Variants in INKA2 observed in about 807,000 individuals in gnomAD.
The protein encoded by INKA2 is inka box actin regulator 2.
In INKA2, 3 loss-of-function variants were observed where a neutral mutation model predicts 9.8. The ratio of observed to expected loss-of-function variants is 0.31; its 90% CI spans 0.14 to 0.79. The LOEUF (loss-of-function observed/expected upper bound fraction) is 0.79. Ranked by LOEUF, INKA2 falls within the 30% of genes least tolerant of loss-of-function variation. The pLI, the probability that INKA2 is intolerant of heterozygous loss-of-function variation, is 0.62. For missense variants in INKA2, 392 were observed against 384.4 expected (o/e 1.02, Z -0.17); for synonymous variants, 147 against 143.3 (o/e 1.03, Z -0.18).
chr1:111,739,228 G>GCT lies in INKA2; in HGVS notation c.13_14dup (p.Ser5ArgfsTer16). On this transcript the variant is annotated frameshift_variant, in exon 1 of 2. Transcript: ENST00000357260. LOFTEE classifies it low-confidence loss of function (END_TRUNC). ...GACGGAGATAGCAGTCCATTTCCCTGCTCTCCATCGTCATGCGCCCATTTG... is the reference window on the plus strand; with the variant it reads ...GACGGAGATAGCAGTCCATTTCCCTGCTCTCTCCATCGTCATGCGCCCATTTG... The GCT allele has an allele frequency of 6.2e-7, 1 of 1,613,760 alleles. No homozygotes were observed. The highest frequency in any genetic ancestry group is 1.3e-5 in the African/African-American group (1 of 75,046).
At chr1:111,740,460 A>T (rs1238850456), upstream of INKA2, among the ~76,000 whole-genome samples, 1 of 152,154 alleles carries the variant, frequency 6.6e-6, no homozygotes, top group East Asian at 1.9e-4. Context: ...CAGCGCGGAG[A>T]CGCCGCGCCC....
chr1:111,722,859 C>T lies in INKA2; in HGVS notation c.*4109G>A. On this transcript the variant is annotated 3_prime_UTR_variant, in exon 2 of 2. Transcript: ENST00000357260. ...GCCTTGGGTCACATGGTTAGTGCCT[C>T]TACTAAGGGGATGGGTTGTCCAGTA... is the stretch of plus-strand genomic sequence containing the variant. 1 of 520,412 alleles carries T rather than the reference C, an allele frequency of 1.9e-6. No individual in the cohort carries two copies. Among genetic ancestry groups the T allele is most frequent in the Non-Finnish European group, 3.4e-6 (1 of 294,094 alleles). The allele number at this position is 520,412 out of a possible 1,614,324, so 32.2% of individuals were successfully genotyped here. A position where few individuals can be genotyped will look rare whatever the true frequency, so the allele number is the denominator to read the frequency against.
intron 1 of INKA2, among the ~76,000 whole-genome samples, chr1:111,728,300 G>C (rs1466749602): frequency 6.6e-6 from 1 of 152,134 alleles, no homozygotes; most frequent in African/African-American, 2.4e-5. Flanking sequence ...ATGAGAATCT[G>C]CTTTGTAACA....
intron 1 of INKA2, chr1:111,746,038 A>G (rs994692814): frequency 2.0e-5 from 3 of 152,220 alleles, no homozygotes; most frequent in African/African-American, 7.2e-5. Flanking sequence ...CTGGCTCTTA[A>G]GTCTCTTCTG....
chr1:111,755,170 A>ATGGAGGCGGATGCGGAGGCGGATGCG (rs1663509529), intron 1 of INKA2: 3 of 157,258 alleles, frequency 1.9e-5, no homozygotes, highest in Non-Finnish European at 4.2e-5. Context: ...AGGCGGATGC[A>ATGGAGGCGGATGCGGAGGCGGATGCG]TGGAGGCGGA....
In INKA2 at chr1:111,727,584, G is replaced by C; in HGVS notation, c.278C>G (p.Pro93Arg). ...RGPARPTVCS[P>R]SSQPSLGSST... ...GCTGCCAAGAGAAGGTTGACTGGAG[G>C]GGGAACAGACTGTGGGCCTGGCAGG... Residue 93 changes from proline to arginine, a missense_variant, in exon 2 of 2, where the codon CCC (proline) becomes CGC (arginine). Physicochemically the swap from Pro to Arg is moderately radical, Grantham distance 103 (BLOSUM62 -2). Transcript: ENST00000357260. 6.2e-7 allele frequency: 1 copy of C among 1,612,048 alleles called. No individual in the cohort carries two copies. The highest frequency in any genetic ancestry group is 8.5e-7 in the Non-Finnish European group (1 of 1,178,906).
upstream of INKA2, among the ~76,000 whole-genome samples, chr1:111,741,662 G>T (rs1663154343): frequency 6.6e-6 from 1 of 152,218 alleles, no homozygotes; most frequent in East Asian, 1.9e-4. Context: ...CTCCAGCACG[G>T]TAGTCAGATG....
Position 111,722,951 on chromosome 1 carries a change from C to T in INKA2, c.*4017G>A, listed in dbSNP as rs1571586552. ...TAGGTGCATTATGTCCTTTAAATCT[C>T]ACAGCAGCCCCACATTATCACCTTT... is the stretch of plus-strand genomic sequence containing the variant. On this transcript the variant is annotated 3_prime_UTR_variant, in exon 2 of 2. Coordinates refer to ENST00000357260, the MANE Select transcript of INKA2 (RefSeq NM_019099.5). 2 of 635,852 alleles carry T rather than the reference C, an allele frequency of 3.1e-6. No individual in the cohort carries two copies. The highest frequency in any genetic ancestry group is 2.9e-5 in the East Asian group (1 of 34,770). 39.4% of individuals were successfully genotyped at this position (635,852 alleles called of 1,614,324 possible). A position where few individuals can be genotyped will look rare whatever the true frequency, so the allele number is the denominator to read the frequency against.
chr1:111,753,731 C>G (rs1476118981), intron 1 of INKA2: 1 of 152,190 alleles, frequency 6.6e-6, no homozygotes, highest in South Asian at 2.1e-4. Flanking sequence ...CTACCAGGTG[C>G]TTGGTGCTGG....
chr1:111,729,964 C>G (rs1472843491), intron 1 of INKA2, among the ~76,000 whole-genome samples: 3 of 152,258 alleles, frequency 2.0e-5, no homozygotes, highest in African/African-American at 7.2e-5. Flanking sequence ...ACGCTCTGTG[C>G]ACTTTCCCCA....
At position 111,725,018 on chromosome 1, in the gene INKA2, G is replaced by A. The variant is rs561016066; in HGVS notation, c.*1950C>T. The A allele has an allele frequency of 1.3e-5, 2 of 152,292 alleles. No individual in the cohort carries two copies. Among genetic ancestry groups the A allele is most frequent in the African/African-American group, 2.4e-5 (1 of 41,524 alleles). The allele number at this position is 152,292 out of a possible 1,614,324, so 9.4% of individuals were successfully genotyped here. On this transcript the variant is annotated 3_prime_UTR_variant, in exon 2 of 2. Coordinates refer to ENST00000357260, the MANE Select transcript of INKA2 (RefSeq NM_019099.5). ...AAGCATGAGCGCCTTCCTCCCTCCT[G>A]CAGCTCCCCCACCAAAAATGAAACA...
chr1:111,739,092 G>T, intron 1 of INKA2, 94 bp downstream of exon 1: 3 of 1,263,350 alleles, frequency 2.4e-6, no homozygotes, highest in Admixed American at 1.8e-5. Flanking sequence ...CCTCCGCCCT[G>T]CTTACGTCCC....
chr1:111,728,998 C>G (rs1443254456), intron 1 of INKA2, among the ~76,000 whole-genome samples: 1 of 150,026 alleles, frequency 6.7e-6, no homozygotes, highest in Non-Finnish European at 1.5e-5. Flanking sequence ...ACGGCAGCCT[C>G]TAACTCCTGG....
chr1:111,729,915 G>A (rs372382908), intron 1 of INKA2, among the ~76,000 whole-genome samples: 1 of 152,278 alleles, frequency 6.6e-6, no homozygotes, highest in Admixed American at 6.5e-5. Flanking sequence ...GACTGCCCTT[G>A]AGGGCAAGGA....
In INKA2 at chr1:111,727,235, G is replaced by A; in HGVS notation, c.627C>T (p.Asn209=). 2 of 1,614,244 alleles carry A rather than the reference G, an allele frequency of 1.2e-6. No homozygotes were observed. Among genetic ancestry groups the A allele is most frequent in the South Asian group, 1.1e-5 (1 of 91,086 alleles). ...ELGRRFALTA[N]IFKKFLRSVR... The stretch of plus-strand genomic sequence containing the variant: ...CACTACGCAAGAACTTCTTAAAGAT[G>A]TTTGCTGTCAGGGCGAACCTGCGGC... Residue 209 remains asparagine, a synonymous_variant, in exon 2 of 2, where the codon AAC becomes AAT. Coordinates refer to ENST00000357260, the MANE Select transcript of INKA2 (RefSeq NM_019099.5).
In INKA2 at chr1:111,739,376, C is replaced by A; in HGVS notation, c.-134G>T. ...GCAGCGCGGAGCTGAGCCTGCGCTC[C>A]GAGCCCGGGACTCAGAGTCGCTTCC... On this transcript the variant is annotated 5_prime_UTR_variant, in exon 1 of 2. Coordinates refer to ENST00000357260, the MANE Select transcript of INKA2 (RefSeq NM_019099.5). The A allele has an allele frequency of 2.0e-6, 3 of 1,515,044 alleles. No individual in the cohort carries two copies. Among genetic ancestry groups the A allele is most frequent in the Admixed American group, 2.2e-5 (1 of 45,198 alleles). 93.9% of individuals were successfully genotyped at this position (1,515,044 alleles called of 1,614,324 possible).
chr1:111,737,013 TGTCTC>T (rs1471041475), intron 1 of INKA2, among the ~76,000 whole-genome samples: 2 of 152,064 alleles, frequency 1.3e-5, no homozygotes, highest in African/African-American at 2.4e-5. Context: ...CCTTCTGCTC[TGTCTC>T]GTCTCTGAGC....
Position 111,726,776 on chromosome 1 carries a change from C to A in INKA2, c.*192G>T. 1 of 642,710 alleles carries A rather than the reference C, an allele frequency of 1.6e-6. No individual in the cohort carries two copies. Among genetic ancestry groups the A allele is most frequent in the Non-Finnish European group, 2.7e-6 (1 of 365,544 alleles). 39.8% of individuals were successfully genotyped at this position (642,710 alleles called of 1,614,324 possible). ...ACTCTTACCTCCTCCACCAGCTAGCCCCCAAGACAGCCTCTCCCAACCACC... is the reference window on the plus strand; with the variant it reads ...ACTCTTACCTCCTCCACCAGCTAGCACCCAAGACAGCCTCTCCCAACCACC... On this transcript the variant is annotated 3_prime_UTR_variant, in exon 2 of 2. Coordinates refer to ENST00000357260, the MANE Select transcript of INKA2 (RefSeq NM_019099.5).
intron 1 of INKA2, among the ~76,000 whole-genome samples, chr1:111,749,421 GGT>G (rs58362318): frequency 0.19 from 29,023 of 149,852 alleles, 2,805 homozygotes; most frequent in East Asian, 0.26. Context: ...TGTGTGTTGG[GGT>G]GTGTGTGTGT....
Sources: allele counts gnomAD v4.1 joint callset (sites outside exome capture counted in the v4.1 genomes callset), GRCh38; gene constraint gnomAD v4.1.1; transcripts MANE v1.5; gene names NCBI Gene and HGNC (gene_info 2026-07-23, HGNC 2026-07-21).